The following PTPRD variants were observed in gnomAD, a reference collection of about 807,000 sequenced individuals.
The protein encoded by PTPRD is receptor-type tyrosine-protein phosphatase delta.
A neutral mutation model predicts 214.5 loss-of-function variants in PTPRD; 34 were observed. The ratio of observed to expected loss-of-function variants is 0.16; its 90% confidence interval spans 0.12 to 0.21. The LOEUF is 0.21. Among genes scored for constraint, PTPRD ranks in the 10% least tolerant of loss-of-function variants. PTPRD has a pLI of 1.00. For missense variants in PTPRD, 2,545 were observed against 2,398.7 expected (o/e 1.06, Z -1.27); for synonymous variants, 1,128 against 845.7 (o/e 1.33, Z -5.79).
Position 9,238,246 on chromosome 9 carries a change from T to C in PTPRD, c.-202-54883A>G, listed in dbSNP as rs542837207. Among the ~76,000 whole-genome samples, 46 of 152,192 alleles carry C rather than the reference T, an allele frequency of 3.0e-4. No individual in the cohort carries two copies. The South Asian group carries it at 8.1e-3, about 27-fold the overall frequency. ...GTCTGAAGCTCTGCTGTGTTTTGCA[T>C]TGCCTAATCTCTTTGGCTTTGAGGA... On this transcript the variant is annotated intron_variant, in intron 9 of 45. Coordinates refer to ENST00000381196, the MANE Select transcript of PTPRD (RefSeq NM_002839.4).
chr9:9,642,849 T>C (rs1319118023), intron 7 of PTPRD, among the ~76,000 whole-genome samples: 1 of 152,146 alleles, frequency 6.6e-6, no homozygotes, highest in African/African-American at 2.4e-5. Flanking sequence ...CTCATAGAAA[T>C]TGAGAACATA....
At chr9:9,592,987 G>A (rs2092895194) in intron 7 of PTPRD, among the ~76,000 whole-genome samples, 1 of 151,922 alleles carries the variant, frequency 6.6e-6, no homozygotes, top group South Asian at 2.1e-4. Flanking sequence ...GGAGGCTGCA[G>A]TGAGCCAAGA....
chr9:8,739,073 C>T (rs1403891814), intron 11 of PTPRD, among the ~76,000 whole-genome samples: 4 of 152,148 alleles, frequency 2.6e-5, no homozygotes, highest in Non-Finnish European at 4.4e-5. Flanking sequence ...TTTGTACAAA[C>T]GATGTGCTGC....
chr9:9,429,305 A>C (rs936133237), intron 8 of PTPRD, among the ~76,000 whole-genome samples: 2 of 152,224 alleles, frequency 1.3e-5, no homozygotes, highest in African/African-American at 4.8e-5. Context: ...ATCTAGAAGA[A>C]ATGGATAAAT....
chr9:8,706,071 T>G (rs2098200627), intron 12 of PTPRD, among the ~76,000 whole-genome samples: 1 of 152,282 alleles, frequency 6.6e-6, no homozygotes, highest in Non-Finnish European at 1.5e-5. Context: ...CCCAAAGAAC[T>G]GCCAGACTCA....
chr9:9,167,654 C>G (rs1362129952), intron 10 of PTPRD, among the ~76,000 whole-genome samples: 4 of 151,914 alleles, frequency 2.6e-5, no homozygotes, highest in Non-Finnish European at 5.9e-5. Context: ...ACTCGAGAGG[C>G]TGAGGCACAA....
At chr9:9,393,993 C>T (rs1165951511) in intron 9 of PTPRD, among the ~76,000 whole-genome samples, 1 of 152,130 alleles carries the variant, frequency 6.6e-6, no homozygotes, top group African/African-American at 2.4e-5. Flanking sequence ...TTAGTGTCTA[C>T]TGCCACGGAG....
chr9:9,988,368 A>C (rs1269134431), intron 4 of PTPRD, among the ~76,000 whole-genome samples: 1 of 152,142 alleles, frequency 6.6e-6, no homozygotes, highest in African/African-American at 2.4e-5. Context: ...GTTTATTATG[A>C]ATGCCAACTT....
chr9:9,283,847 A>G (rs1948560745), intron 9 of PTPRD, among the ~76,000 whole-genome samples: 1 of 151,652 alleles, frequency 6.6e-6, no homozygotes, highest in Admixed American at 6.6e-5. Context: ...AATTCTGAGT[A>G]CCTCATGTTT....
chr9:8,315,073 T>C lies in PTPRD; in HGVS notation c.*2801A>G. 4.3e-6 allele frequency: 1 copy of C among 232,516 alleles called. No homozygotes were observed. The highest frequency in any genetic ancestry group is 8.5e-6 in the Non-Finnish European group (1 of 117,332). 14.4% of individuals were successfully genotyped at this position (232,516 alleles called of 1,614,324 possible). ...GTAAATAATAGCACCGTACTGGTTA[T>C]GATGATGAAAATAACTGGAAACTTG... On this transcript the variant is annotated 3_prime_UTR_variant, in exon 46 of 46. Coordinates refer to ENST00000381196, the MANE Select transcript of PTPRD (RefSeq NM_002839.4).
chr9:9,064,978 C>G (rs2099723622), intron 10 of PTPRD, among the ~76,000 whole-genome samples: 1 of 152,168 alleles, frequency 6.6e-6, no homozygotes, highest in Admixed American at 6.6e-5. Context: ...AACAATCAGT[C>G]TCAAATACAG....
rs1276431512 is a variant in PTPRD, at chr9:8,408,851, T to A, written c.4087-4191A>T. Among the ~76,000 whole-genome samples, 4 of 150,504 alleles carry A rather than the reference T, an allele frequency of 2.7e-5. No homozygotes were observed. The East Asian group carries it at 8.0e-4, about 30-fold the overall frequency. ...AAAGGCTTTGCTTACTCAGAAAAAA[T>A]GACCCAATAGAAGAAAAAATCCTAT... is the stretch of plus-strand genomic sequence containing the variant. On this transcript the variant is annotated intron_variant, in intron 35 of 45. Coordinates refer to ENST00000381196, the MANE Select transcript of PTPRD (RefSeq NM_002839.4).
At chr9:8,698,997 G>A (rs958276089) in intron 12 of PTPRD, among the ~76,000 whole-genome samples, 1 of 152,066 alleles carries the variant, frequency 6.6e-6, no homozygotes, top group African/African-American at 2.4e-5. Flanking sequence ...TGAGAAAACA[G>A]CATCCATTTG....
intron 3 of PTPRD, among the ~76,000 whole-genome samples, chr9:10,314,964 T>C (rs768790261): frequency 6.6e-6 from 1 of 151,956 alleles, no homozygotes; most frequent in African/African-American, 2.4e-5. Context: ...TATAGATTTG[T>C]ACCTCCTAAC....
chr9:10,044,153 T>A (rs1031567848), intron 3 of PTPRD, among the ~76,000 whole-genome samples: 11 of 151,364 alleles, frequency 7.3e-5, no homozygotes, highest in Middle Eastern at 3.4e-3. Context: ...TCACTGGAAC[T>A]GTGAATGTGT....
intron 8 of PTPRD, among the ~76,000 whole-genome samples, chr9:9,470,176 G>C (rs1397865908): frequency 2.0e-5 from 3 of 152,066 alleles, no homozygotes; most frequent in African/African-American, 7.2e-5. Context: ...AATATGATGA[G>C]GCTTTTTAAC....
At chr9:10,599,987 T>C (rs1391269851) in intron 2 of PTPRD, among the ~76,000 whole-genome samples, 1 of 151,744 alleles carries the variant, frequency 6.6e-6, no homozygotes, top group Admixed American at 6.6e-5. Flanking sequence ...ATTGACATTT[T>C]CATAATTGCC....
At chr9:9,953,262 T>G (rs544476200) in intron 4 of PTPRD, among the ~76,000 whole-genome samples, 11 of 152,222 alleles carry the variant, frequency 7.2e-5, no homozygotes, top group African/African-American at 2.6e-4. Flanking sequence ...CTCCACGATG[T>G]GGACAGGCCT....
At chr9:9,565,134 A>C (rs1230273120) in intron 8 of PTPRD, among the ~76,000 whole-genome samples, 1 of 151,692 alleles carries the variant, frequency 6.6e-6, no homozygotes, top group South Asian at 2.1e-4. Context: ...AATATGTGTA[A>C]AAGGTTTTGT....
Sources: allele counts gnomAD v4.1 joint callset (sites outside exome capture counted in the v4.1 genomes callset), GRCh38; gene constraint gnomAD v4.1.1; transcripts MANE v1.5; gene names NCBI Gene and HGNC (gene_info 2026-07-23, HGNC 2026-07-21).